MYO16: variants seen among roughly 807,000 people sequenced by gnomAD.
MYO16 encodes unconventional myosin-XVI.
MYO16 carries 94 observed loss-of-function variants against 205.3 expected under a neutral mutation model. The observed-to-expected ratio is 0.46, with a 90% confidence interval of 0.39 to 0.54. The LOEUF (loss-of-function observed/expected upper bound fraction) is 0.54. MYO16 is among the 20% of genes least tolerant of loss of function. The pLI is 0.00. For synonymous variants in MYO16, 988 were observed against 954.0 expected, an observed-to-expected ratio of 1.04 and a Z score of -0.66; for missense variants, 2,315 against 2,387.5, an observed-to-expected ratio of 0.97 and a Z score of 0.63.
At chr13:108,605,057 A>G (rs1056443076) in intron 1 of MYO16, among the ~76,000 whole-genome samples, 2 of 152,140 alleles carry the variant, frequency 1.3e-5, no homozygotes, top group Non-Finnish European at 2.9e-5. Flanking sequence ...AACAAACCAT[A>G]TCGGTAGTGG....
chr13:108,799,046 A>G (rs906431283), intron 6 of MYO16, among the ~76,000 whole-genome samples: 3 of 152,198 alleles, frequency 2.0e-5, no homozygotes, highest in African/African-American at 7.2e-5. Flanking sequence ...AGAATTATTC[A>G]GGAGAGGCAA....
chr13:108,548,216 ATGGTGG>A, the MYO16 span, among the ~76,000 whole-genome samples: 1 of 144,946 alleles, frequency 6.9e-6, no homozygotes, highest in Non-Finnish European at 1.5e-5. Flanking sequence ...AATGATGATG[ATGGTGG>A]TGGTGGTGGT....
intron 16 of MYO16, among the ~76,000 whole-genome samples, chr13:108,953,346 C>T (rs1382141802): frequency 2.6e-5 from 4 of 152,168 alleles, no homozygotes. Flanking sequence ...TGACAGAGTA[C>T]ATTGACTAAA....
chr13:109,156,250 C>T (rs1245654334), intron 32 of MYO16, among the ~76,000 whole-genome samples: 3 of 152,218 alleles, frequency 2.0e-5, no homozygotes, highest in Admixed American at 6.5e-5. Flanking sequence ...CAAGCGCTGT[C>T]GAGCTGCGAC....
chr13:108,840,190 A>G (rs572330856), intron 9 of MYO16, among the ~76,000 whole-genome samples: 1 of 152,194 alleles, frequency 6.6e-6, no homozygotes, highest in Admixed American at 6.5e-5. Flanking sequence ...CCTACTTGCA[A>G]GTATTTTCAT....
intron 23 of MYO16, among the ~76,000 whole-genome samples, chr13:109,033,544 C>T (rs1241913869): frequency 6.6e-6 from 1 of 151,962 alleles, no homozygotes; most frequent in East Asian, 1.9e-4. Flanking sequence ...ACAGAGTAGA[C>T]AAAACAAGAA....
At chr13:108,636,365 TTTTTTG>T (rs1175953273) in intron 1 of MYO16, among the ~76,000 whole-genome samples, 46 of 64,902 alleles carry the variant, frequency 7.1e-4, no homozygotes, top group African/African-American at 1.5e-3. Flanking sequence ...TTTTTTTTTT[TTTTTTG>T]TGTGTGTGTG....
At chr13:109,018,986 T>C (rs532413856) in intron 22 of MYO16, among the ~76,000 whole-genome samples, 1 of 151,874 alleles carries the variant, frequency 6.6e-6, no homozygotes, top group South Asian at 2.1e-4. Context: ...TTTTTTTTTT[T>C]TGAGGCAGGG....
At position 108,981,344 on chromosome 13, in the gene MYO16, G is replaced by A. The variant is rs150406569; in HGVS notation, c.2370-11032G>A. Among the ~76,000 whole-genome samples the A allele has an allele frequency of 8.6e-3, 1,308 of 152,210 alleles. 23 individuals are homozygous for A. The highest frequency in any genetic ancestry group is 0.029 in the African/African-American group (1,217 of 41,470). ...ATGCCATCATCAAGAGAAGTGTCATGTGGTAAACTGCAAAAAAGTGATCCC... is the reference window on the plus strand; with the variant it reads ...ATGCCATCATCAAGAGAAGTGTCATATGGTAAACTGCAAAAAAGTGATCCC... On this transcript the variant is annotated intron_variant, in intron 20 of 34. Coordinates refer to ENST00000457511, the MANE Select transcript of MYO16 (RefSeq NM_001198950.3).
intron 16 of MYO16, among the ~76,000 whole-genome samples, chr13:108,948,233 C>T (rs572804259): frequency 6.6e-6 from 1 of 152,294 alleles, no homozygotes; most frequent in South Asian, 2.1e-4. Context: ...TTAATTTTGC[C>T]TTATTTGGCT....
rs373544225 is a variant in MYO16, at chr13:109,094,355, T to TTTG, written c.3336-6428_3336-6426dup. ...CCTCCTGAGTGGCTGGCAATATAGG[T>TTTG]TTGTGCCACCATGTCTGCTTAATTT... On this transcript the variant is annotated intron_variant, in intron 27 of 34. Coordinates refer to ENST00000457511, the MANE Select transcript of MYO16 (RefSeq NM_001198950.3). Among the ~76,000 whole-genome samples the TTTG allele has an allele frequency of 4.3e-3, 657 of 151,976 alleles. 4 individuals are homozygous for TTTG. Among genetic ancestry groups the TTTG allele is most frequent in the African/African-American group, 0.015 (614 of 41,456 alleles).
At chr13:108,992,094 G>T (rs931617008) in intron 20 of MYO16, among the ~76,000 whole-genome samples, 2 of 152,144 alleles carry the variant, frequency 1.3e-5, no homozygotes, top group Non-Finnish European at 2.9e-5. Flanking sequence ...TTGGACAAAG[G>T]TCTAATATCC....
chr13:109,019,815 C>A lies in MYO16; in HGVS notation c.2700C>A (p.Asn900Lys). Residue 900 changes from asparagine (N) to lysine (K), a missense_variant, in exon 23 of 35, where the codon AAC becomes AAA. By Grantham distance (94) the Asn-to-Lys change is moderately conservative. Coordinates refer to ENST00000457511, the MANE Select transcript of MYO16 (RefSeq NM_001198950.3). ...KKLQSLLESS[N>K]TNAVYSPMKD... is the part of the protein sequence containing the mutation. Reference sequence around the variant, plus strand: ...TACAAAGTCTCCTAGAATCCTCAAACACAAATGCGGTGTACTCCCCCATGA... The same window carrying A: ...TACAAAGTCTCCTAGAATCCTCAAAAACAAATGCGGTGTACTCCCCCATGA... The A allele has an allele frequency of 6.2e-7, 1 of 1,614,092 alleles. No homozygotes were observed. The highest frequency in any genetic ancestry group is 1.1e-5 in the South Asian group (1 of 91,084).
intron 13 of MYO16, among the ~76,000 whole-genome samples, chr13:108,885,706 A>G (rs1879837201): frequency 6.6e-6 from 1 of 152,176 alleles, no homozygotes; most frequent in Non-Finnish European, 1.5e-5. Flanking sequence ...TAGAATTTAC[A>G]TAACTTTTGA....
At chr13:109,048,305 A>T in intron 24 of MYO16, 2 of 737,782 alleles carry the variant, frequency 2.7e-6, no homozygotes, top group East Asian at 2.4e-5. Flanking sequence ...AGTTCCAGGA[A>T]AAAACAATTC....
At chr13:108,541,847 T>G in the MYO16 span, among the ~76,000 whole-genome samples, 1 of 152,134 alleles carries the variant, frequency 6.6e-6, no homozygotes, top group Non-Finnish European at 1.5e-5. Flanking sequence ...ATGAGAACTC[T>G]TATACATTGC....
chr13:109,058,443 A>T (rs1887482608), intron 27 of MYO16, among the ~76,000 whole-genome samples: 2 of 152,170 alleles, frequency 1.3e-5, no homozygotes, highest in South Asian at 4.1e-4. Context: ...TAATAAAGCT[A>T]ATACCATAAT....
chr13:108,996,409 A>C (rs538561251), intron 21 of MYO16, among the ~76,000 whole-genome samples: 1 of 152,224 alleles, frequency 6.6e-6, no homozygotes, highest in Non-Finnish European at 1.5e-5. Flanking sequence ...TAATGTGCTA[A>C]ATTATGTATA....
intron 5 of MYO16, among the ~76,000 whole-genome samples, chr13:108,786,536 T>C (rs1378927090): frequency 2.0e-5 from 3 of 152,234 alleles, no homozygotes; most frequent in African/African-American, 7.2e-5. Context: ...ACGGAGCTTA[T>C]GCAGATACTC....
Sources: gnomAD v4.1 joint callset for allele counts (sites outside exome capture counted in the v4.1 genomes callset) on GRCh38, gnomAD v4.1.1 for gene constraint, MANE v1.5 for transcripts, NCBI Gene and HGNC (gene_info 2026-07-23, HGNC 2026-07-21) for gene names.